HELZ2: variants seen among roughly 807,000 people sequenced by gnomAD.
HELZ2 encodes the protein helicase with zinc finger 2, also known as 3'-5' exoribonuclease HELZ2.
HELZ2 carries 143 observed loss-of-function variants against 208.8 expected under a neutral mutation model. The ratio of observed to expected loss-of-function variants is 0.68; its 90% confidence interval spans 0.60 to 0.79. HELZ2 has a LOEUF of 0.79. HELZ2 is among the 30% of genes least tolerant of loss of function. The pLI is 0.00. For missense variants in HELZ2, 3,690 were observed against 3,794.5 expected, an observed-to-expected ratio of 0.97 and a Z score of 0.72; for synonymous variants, 1,705 against 1,693.7, an observed-to-expected ratio of 1.01 and a Z score of -0.16.
exon 8 of HELZ2, chr20:63,563,377 C>T (rs1467445476): frequency 1.3e-6 from 2 of 1,537,158 alleles, no homozygotes; most frequent in South Asian, 2.4e-5. Context: ...GTGGGTCCGG[C>T]ACAGTGCCAG....
rs763841926 is a variant in HELZ2, at chr20:63,560,101, G to A, written c.7658-6C>T. The stretch of plus-strand genomic sequence containing the variant: ...CACATAGCGCCACTCGCTCCCTGCG[G>A]GATGGGAGGTGAGGCCCTGCTGCCG... On this transcript the variant is annotated splice_polypyrimidine_tract_variant and splice_region_variant and intron_variant, in intron 17 of 18. Coordinates refer to ENST00000467148, the Ensembl canonical transcript of HELZ2. 90 of 1,586,296 alleles carry A rather than the reference G, an allele frequency of 5.7e-5. No homozygotes were observed. The highest frequency in any genetic ancestry group is 7.3e-5 in the Non-Finnish European group (85 of 1,170,848).
At chr20:63,560,309 G>C (rs768905353) in exon 17 of HELZ2, 162 of 1,554,680 alleles carry the variant, frequency 1.0e-4, no homozygotes, top group Non-Finnish European at 1.4e-4. Context: ...CCCAGGGTCA[G>C]CTGCTTGGTG....
chr20:63,571,097 A>G, intron 1 of HELZ2: 1 of 497,864 alleles, frequency 2.0e-6, no homozygotes, highest in Non-Finnish European at 3.5e-6. Context: ...AGCAGGTGGC[A>G]GGGAGGCCCC....
exon 8 of HELZ2, chr20:63,564,832 A>G (rs1206189815): frequency 6.2e-7 from 1 of 1,610,184 alleles, no homozygotes; most frequent in South Asian, 1.1e-5. Context: ...GGCGGCCGGC[A>G]ACCCGGCCAA....
exon 1 of HELZ2, chr20:63,572,337 G>C (rs1444971412): frequency 1.3e-6 from 2 of 1,577,680 alleles, no homozygotes; most frequent in Non-Finnish European, 1.7e-6. Flanking sequence ...GGTGTGAGCA[G>C]GTCCCCCCGC....
chr20:63,568,517 G>C, exon 5 of HELZ2: 4 of 1,582,274 alleles, frequency 2.5e-6, no homozygotes, highest in East Asian at 2.3e-5. Context: ...CGCGATGAGC[G>C]CCACGGCCAG....
At position 63,559,382 on chromosome 20, in the gene HELZ2, G is replaced by A. The variant is rs372227177; in HGVS notation, c.7826-12C>T. ...AAGGAGGTGGTCTCCTGTGAGGGTG[G>A]GAGTCAGATGGGAGTCAGTCAGGGT... is the stretch of plus-strand genomic sequence containing the variant. On this transcript the variant is annotated splice_polypyrimidine_tract_variant and intron_variant, in intron 18 of 18. Transcript: ENST00000467148. 6 of 1,584,138 alleles carry A rather than the reference G, an allele frequency of 3.8e-6. No homozygotes were observed. Among genetic ancestry groups the A allele is most frequent in the South Asian group, 1.1e-5 (1 of 88,696 alleles).
exon 4 of HELZ2, chr20:63,569,571 C>G (rs1335466059): frequency 3.8e-6 from 6 of 1,594,188 alleles, no homozygotes; most frequent in Non-Finnish European, 5.1e-6. Flanking sequence ...GCGCTCACCC[C>G]GTGCGTAGAG....
exon 8 of HELZ2, chr20:63,564,908 C>A (rs1179240347): frequency 1.9e-6 from 3 of 1,612,086 alleles, no homozygotes; most frequent in Admixed American, 1.7e-5. Context: ...CACCCTCAAG[C>A]TGTACTCCAG....
Position 63,567,111 on chromosome 20 carries a change from A to G in HELZ2, c.2247T>C (p.Ile749=), listed in dbSNP as rs115486724. Residue 749 remains isoleucine (I), a synonymous_variant, in exon 6 of 19, where the codon ATT becomes ATC. Coordinates refer to ENST00000467148, the Ensembl canonical transcript of HELZ2. ...AGAAGTGCCGCGAGATGAAGCTGACAATGGCGTCCGTGCAGCGGTAGTTCT... is the reference window on the plus strand; with the variant it reads ...AGAAGTGCCGCGAGATGAAGCTGACGATGGCGTCCGTGCAGCGGTAGTTCT... 258 of 1,611,990 alleles carry G rather than the reference A, an allele frequency of 1.6e-4. No individual in the cohort carries two copies. In the East Asian group the frequency reaches 5.1e-3, roughly 32 times the overall value.
At chr20:63,560,665 C>T (rs749696579) in exon 16 of HELZ2, 36 of 1,609,404 alleles carry the variant, frequency 2.2e-5, no homozygotes, top group Non-Finnish European at 2.7e-5. Context: ...TCTTGTAGAA[C>T]GCCACAGAGG....
chr20:63,563,588 A>C, exon 8 of HELZ2: 2 of 1,531,374 alleles, frequency 1.3e-6, no homozygotes, highest in Non-Finnish European at 1.8e-6. Flanking sequence ...CTCCACGTCC[A>C]CCACGAAGCC....
downstream of HELZ2, chr20:63,559,023 C>T (rs2082846015): frequency 2.0e-6 from 1 of 510,282 alleles, no homozygotes. Flanking sequence ...CTCTTGGCCA[C>T]CCTGAGAGGT....
At position 63,562,838 on chromosome 20, in the gene HELZ2, TC is replaced by T. The variant is rs1717800498; in HGVS notation, c.5983del (p.Glu1995ArgfsTer39). 6.2e-7 allele frequency: 1 copy of T among 1,609,956 alleles called. No homozygotes were observed. Among genetic ancestry groups the T allele is most frequent in the South Asian group, 1.1e-5 (1 of 90,468 alleles). On this transcript the variant is annotated frameshift_variant, in exon 8 of 19. Transcript: ENST00000467148. LOFTEE classifies it high-confidence loss of function. ...GAAGTTGATGTCGGCACAGTTCTCC[TC>T]GAGGAAGGCGGCCTCCAGGCGGAAG...
chr20:63,569,208 C>T (rs561374507), exon 4 of HELZ2: 112 of 1,554,452 alleles, frequency 7.2e-5, no homozygotes, highest in South Asian at 6.8e-4. Context: ...CATCCTCTGC[C>T]GATAGTTGGT....
At chr20:63,570,744 C>T (rs1332931775) in exon 2 of HELZ2, 2 of 1,609,786 alleles carry the variant, frequency 1.2e-6, no homozygotes, top group South Asian at 1.1e-5. Flanking sequence ...TGGTAGGGCA[C>T]CAGCCCGTCC....
Position 63,566,237 on chromosome 20 carries a change from G to A in HELZ2, c.2591-6C>T, listed in dbSNP as rs1400500150. On this transcript the variant is annotated splice_polypyrimidine_tract_variant and splice_region_variant and intron_variant, in intron 7 of 18. Coordinates refer to ENST00000467148, the Ensembl canonical transcript of HELZ2. ...CACGACCCGGAACTGCCGCCCTGCAGGGGGCACGCAGTCAGGTCAGGCTGG... is the reference window on the plus strand; with the variant it reads ...CACGACCCGGAACTGCCGCCCTGCAAGGGGCACGCAGTCAGGTCAGGCTGG... 6.7e-6 allele frequency: 10 copies of A among 1,485,954 alleles called. No homozygotes were observed. The highest frequency in any genetic ancestry group is 9.0e-6 in the Non-Finnish European group (10 of 1,115,084). 92.0% of individuals were successfully genotyped at this position (1,485,954 alleles called of 1,614,324 possible). A position where few individuals can be genotyped will look rare whatever the true frequency, so the allele number is the denominator to read the frequency against.
chr20:63,567,428 C>T lies in HELZ2; in HGVS notation c.1930G>A (p.Val644Met), dbSNP rs770754974. ...CGGGCCTGGGAGGTGGTGGTGACCACCACGCGGTGCCGCGCCAGCTCTGCC... is the reference window on the plus strand; with the variant it reads ...CGGGCCTGGGAGGTGGTGGTGACCATCACGCGGTGCCGCGCCAGCTCTGCC... The change falls in exon 6 of 19, where the codon GTG becomes ATG. Residue 644 changes from valine (V) to methionine (M), a missense_variant. Physicochemically the swap from Val to Met is conservative, Grantham distance 21 (BLOSUM62 1). Transcript: ENST00000467148. 8.3e-6 allele frequency: 13 copies of T among 1,565,558 alleles called. No homozygotes were observed. The South Asian group carries it at 1.5e-4, about 18-fold the overall frequency.
intron 12 of HELZ2, 53 bp downstream of exon 13, chr20:63,561,548 T>A: frequency 6.3e-7 from 1 of 1,578,196 alleles, no homozygotes; most frequent in East Asian, 2.2e-5. Context: ...TACACAGGAC[T>A]GTCTGGACAG....
Sources: gnomAD v4.1 joint callset for allele counts on GRCh38, gnomAD v4.1.1 for gene constraint, MANE v1.5 for transcripts, NCBI Gene and HGNC (gene_info 2026-07-23, HGNC 2026-07-21) for gene names.